The following PIK3C2A variants were observed in gnomAD, a reference collection of about 807,000 sequenced individuals.
The protein encoded by PIK3C2A is phosphatidylinositol 4-phosphate 3-kinase C2 domain-containing subunit alpha.
In PIK3C2A, 97 loss-of-function variants were observed where a neutral mutation model predicts 204.5. That is an observed-to-expected ratio of 0.47 (90% CI 0.40 to 0.56). The LOEUF (loss-of-function observed/expected upper bound fraction) is 0.56, where lower values mean the gene tolerates loss of function less well. PIK3C2A is among the 20% of genes least tolerant of loss of function. PIK3C2A has a pLI of 0.00. For missense variants in PIK3C2A, 1,735 were observed against 1,969.2 expected (o/e 0.88, Z 2.25); for synonymous variants, 653 against 664.4 (o/e 0.98, Z 0.26).
At position 17,117,657 on chromosome 11, in the gene PIK3C2A, G is replaced by A. The variant is rs894697678; in HGVS notation, c.3050C>T (p.Ala1017Val). Reference sequence around the variant, plus strand: ...GGTACTAAACTGTACATCATGCAGGGCATCTTTGAGAAGCCTAATACAGCA... The same window carrying A: ...GGTACTAAACTGTACATCATGCAGGACATCTTTGAGAAGCCTAATACAGCA... ...AHNLYWLLKD[A>V]LHDVQFSTRY... Residue 1017 changes from alanine (A) to valine (V), a missense_variant, in exon 19 of 33, where the codon GCC becomes GTC. By Grantham distance (64) the Ala-to-Val change is moderately conservative. Transcript: ENST00000691414. 1.6e-5 allele frequency: 25 copies of A among 1,598,662 alleles called. No individual in the cohort carries two copies. The highest frequency in any genetic ancestry group is 1.7e-5 in the Non-Finnish European group (20 of 1,170,372).
chr11:17,097,960 T>G, intron 26 of PIK3C2A, among the ~76,000 whole-genome samples: 1 of 152,146 alleles, frequency 6.6e-6, no homozygotes, highest in East Asian at 1.9e-4. Flanking sequence ...ATCCAAATTT[T>G]AAAAATTCTC....
intron 1 of PIK3C2A, chr11:17,194,557 A>C (rs1350118589): frequency 6.6e-6 from 1 of 152,376 alleles, no homozygotes; most frequent in Admixed American, 6.5e-5. Flanking sequence ...TGAATAAAGC[A>C]CTTCACCTCT....
chr11:17,101,434 C>T lies in PIK3C2A; in HGVS notation c.3852G>A (p.Arg1284=). Residue 1284 remains arginine (R), a splice_region_variant and synonymous_variant, in exon 25 of 33, where the codon AGG becomes AGA. Transcript: ENST00000691414. The stretch of plus-strand genomic sequence containing the variant: ...AGGTCAGCACAAAAGGAGCCCGATC[C>T]CTATTTAAAATGAAAGTACATACAA... ...GHAQMFGSFK[R]DRAPFVLTSD... The T allele has an allele frequency of 6.7e-7, 1 of 1,486,572 alleles. No homozygotes were observed. The highest frequency in any genetic ancestry group is 9.1e-7 in the Non-Finnish European group (1 of 1,096,898). 92.1% of individuals were successfully genotyped at this position (1,486,572 alleles called of 1,614,324 possible).
chr11:17,120,462 T>C (rs956953054), intron 15 of PIK3C2A, among the ~76,000 whole-genome samples: 3 of 152,004 alleles, frequency 2.0e-5, no homozygotes, highest in Non-Finnish European at 2.9e-5. Context: ...TTTACGTGAA[T>C]GAAATATTTC....
At chr11:17,145,377 G>GA (rs1216580381) in intron 8 of PIK3C2A, among the ~76,000 whole-genome samples, 1 of 152,040 alleles carries the variant, frequency 6.6e-6, no homozygotes, top group African/African-American at 2.4e-5. Flanking sequence ...TCATGATAGT[G>GA]AGTGAGTTTT....
At chr11:17,155,077 T>C (rs1284019052) in intron 3 of PIK3C2A, among the ~76,000 whole-genome samples, 2 of 152,240 alleles carry the variant, frequency 1.3e-5, no homozygotes, top group South Asian at 2.1e-4. Context: ...CATTTAAGAT[T>C]GAGAGAACAT....
intron 11 of PIK3C2A, among the ~76,000 whole-genome samples, chr11:17,134,147 A>G (rs1256732982): frequency 6.6e-6 from 1 of 152,166 alleles, no homozygotes; most frequent in Non-Finnish European, 1.5e-5. Flanking sequence ...TTAAACACCA[A>G]GATAACTGGT....
At chr11:17,134,134 C>T (rs1370790292) in intron 11 of PIK3C2A, among the ~76,000 whole-genome samples, 1 of 152,090 alleles carries the variant, frequency 6.6e-6, no homozygotes, top group African/African-American at 2.4e-5. Flanking sequence ...GCTGGTTAGT[C>T]ATTTAAACAC....
intron 26 of PIK3C2A, 77 bp from the exon 27 acceptor site, chr11:17,097,341 A>C: frequency 1.2e-6 from 1 of 861,384 alleles, no homozygotes; most frequent in East Asian, 2.6e-5. Context: ...AAATGACAAA[A>C]ACCACTTTCA....
chr11:17,201,552 A>G (rs1034406170), intron 1 of PIK3C2A, among the ~76,000 whole-genome samples: 3 of 112,508 alleles, frequency 2.7e-5, no homozygotes, highest in Non-Finnish European at 6.1e-5. Flanking sequence ...AAGAAAAAAG[A>G]AAAAAAAAAA....
At chr11:17,124,556 A>G (rs1232029421) in intron 13 of PIK3C2A, among the ~76,000 whole-genome samples, 1 of 151,360 alleles carries the variant, frequency 6.6e-6, no homozygotes, top group Non-Finnish European at 1.5e-5. Context: ...CTTTTAATTC[A>G]GGGTCAGCAA....
intron 12 of PIK3C2A, among the ~76,000 whole-genome samples, chr11:17,131,425 T>TCA (rs1849691011): frequency 6.8e-6 from 1 of 147,312 alleles, no homozygotes; most frequent in African/African-American, 2.5e-5. Context: ...TTTCATTTTT[T>TCA]TTTTTTTTTT....
In PIK3C2A at chr11:17,168,847, G is replaced by C; in HGVS notation, c.895C>G (p.Leu299Val). 1 of 1,614,016 alleles carries C rather than the reference G, an allele frequency of 6.2e-7. No individual in the cohort carries two copies. The highest frequency in any genetic ancestry group is 2.2e-5 in the East Asian group (1 of 44,864). The change falls in exon 2 of 33, where the codon CTA (leucine) becomes GTA (valine). Residue 299 changes from leucine to valine, a missense_variant. By Grantham distance (32) the Leu-to-Val change is conservative. Around this residue, in one of 6 missense-constraint regions of PIK3C2A, gnomAD observed 536 missense variants for 546.7 expected, o/e 0.98. Transcript: ENST00000691414. ...ACAGCATCCCAAGGATCCTTTGCTA[G>C]CAAACTTGAAACATTTTTCTCTTCC... The part of the protein sequence containing the change: ...HEEEKNVSSL[L>V]AKDPWDAVLL...
intron 2 of PIK3C2A, among the ~76,000 whole-genome samples, chr11:17,161,882 C>T (rs553914022): frequency 3.3e-5 from 5 of 152,222 alleles, no homozygotes; most frequent in East Asian, 1.9e-4. Flanking sequence ...TTAAAAGCTC[C>T]GTGCCAATGA....
intron 14 of PIK3C2A, 42 bp from the exon 15 acceptor site, chr11:17,122,375 A>T (rs777144468): frequency 1.5e-5 from 19 of 1,233,640 alleles, no homozygotes; most frequent in Non-Finnish European, 2.0e-5. Flanking sequence ...CAGTCTACGT[A>T]TTTGCCACAT....
At chr11:17,141,752 T>C (rs753269018) in intron 8 of PIK3C2A, among the ~76,000 whole-genome samples, 54 of 152,326 alleles carry the variant, frequency 3.5e-4, no homozygotes, top group Non-Finnish European at 7.2e-4. Flanking sequence ...AGACATACTG[T>C]AGAGGGCAGG....
At chr11:17,176,013 T>G (rs1418634531) in intron 1 of PIK3C2A, among the ~76,000 whole-genome samples, 1 of 151,784 alleles carries the variant, frequency 6.6e-6, no homozygotes, top group Non-Finnish European at 1.5e-5. Context: ...ATTTTTTTTT[T>G]TTTTGTGGGG....
Position 17,136,483 on chromosome 11 carries a change from TCAG to T in PIK3C2A, c.1844_1846del (p.Ala615del). 6.2e-7 allele frequency: 1 copy of T among 1,605,552 alleles called. No individual in the cohort carries two copies. Among genetic ancestry groups the T allele is most frequent in the Non-Finnish European group, 8.5e-7 (1 of 1,173,892 alleles). ...ATCCTAGTTACCAAAAATACTCACA[TCAG>T]CAGTTTTACTCCTTGGAAGATTAAC... On this transcript the variant is annotated inframe_deletion and splice_region_variant, in exon 9 of 33. Coordinates refer to ENST00000691414, the MANE Select transcript of PIK3C2A (RefSeq NM_002645.4).
intron 1 of PIK3C2A, among the ~76,000 whole-genome samples, chr11:17,178,746 G>T (rs1286008329): frequency 1.6e-5 from 2 of 123,376 alleles, no homozygotes; most frequent in East Asian, 2.4e-4. Context: ...TTTTTGAGAC[G>T]GAGTCTCGCT....
Sources: gnomAD v4.1 joint callset for allele counts (sites outside exome capture counted in the v4.1 genomes callset) on GRCh38, gnomAD v4.1.1 for gene constraint, gnomAD v4.1.1 regional missense constraint, MANE v1.5 for transcripts, NCBI Gene and HGNC (gene_info 2026-07-23, HGNC 2026-07-21) for gene names.